ASIC5: variants seen among roughly 807,000 people sequenced by gnomAD.
ASIC5 encodes the protein acid sensing ion channel subunit family member 5.
A neutral mutation model predicts 51.2 loss-of-function variants in ASIC5; 52 were observed. That is an observed-to-expected ratio of 1.02 (90% CI 0.81 to 1.28). The LOEUF (loss-of-function observed/expected upper bound fraction) is 1.28, where lower values mean the gene tolerates loss of function less well. Among genes scored for constraint, ASIC5 ranks in the 50% most tolerant of loss-of-function variants. The probability of loss-of-function intolerance (pLI) is 0.00; values close to 1 mark genes in which losing one functional copy is unlikely to be tolerated. For missense variants in ASIC5, 635 were observed against 595.0 expected, an observed-to-expected ratio of 1.07 and a Z score of -0.70; for synonymous variants, 231 against 200.7, an observed-to-expected ratio of 1.15 and a Z score of -1.28.
At position 155,841,231 on chromosome 4, in the gene ASIC5, T is replaced by C. The variant is rs1171819360; in HGVS notation, c.1009+976A>G. Among the ~76,000 whole-genome samples the C allele has an allele frequency of 2.0e-5, 3 of 152,182 alleles. No individual in the cohort carries two copies. The East Asian group carries it at 5.8e-4, about 29-fold the overall frequency. On this transcript the variant is annotated intron_variant, in intron 6 of 9. Coordinates refer to ENST00000537611, the MANE Select transcript of ASIC5 (RefSeq NM_017419.3). ...AGCCCGTTGGGCAGTTACAATATTT[T>C]GGCAGGTAGATTGTGTTACAATATA...
intron 2 of ASIC5, among the ~76,000 whole-genome samples, chr4:155,857,582 C>T (rs1741578239): frequency 6.6e-6 from 1 of 152,046 alleles, no homozygotes; most frequent in Non-Finnish European, 1.5e-5. Context: ...AACAATTTAA[C>T]ATCTGCTAAC....
intron 8 of ASIC5, among the ~76,000 whole-genome samples, chr4:155,835,755 A>G (rs1175574397): frequency 2.0e-5 from 3 of 152,178 alleles, no homozygotes; most frequent in Non-Finnish European, 4.4e-5. Context: ...AAATCACTCC[A>G]TTAGCCCTGT....
At chr4:155,834,690 C>T (rs1407200716) in intron 8 of ASIC5, among the ~76,000 whole-genome samples, 1 of 152,238 alleles carries the variant, frequency 6.6e-6, no homozygotes, top group African/African-American at 2.4e-5. Flanking sequence ...CCTGGATACC[C>T]GTGGCCCTAA....
In ASIC5 at chr4:155,829,975, G is replaced by A; in HGVS notation, c.1399C>T (p.Leu467=). 6.2e-7 allele frequency: 1 copy of A among 1,600,522 alleles called. No individual in the cohort carries two copies. The highest frequency in any genetic ancestry group is 8.5e-7 in the Non-Finnish European group (1 of 1,173,136). Residue 467 remains leucine (L), a synonymous_variant, in exon 10 of 10, where the codon CTA becomes TTA. Transcript: ENST00000537611. The part of the protein sequence containing the change: ...LITIIEIIEY[L]FTNFYWICIF... Reference sequence around the variant, plus strand: ...CATATCCAGTAGAAATTGGTGAATAGATATTCAATAATTTCTATGATCGTG... The same window carrying A: ...CATATCCAGTAGAAATTGGTGAATAAATATTCAATAATTTCTATGATCGTG...
intron 5 of ASIC5, among the ~76,000 whole-genome samples, chr4:155,843,261 T>C (rs1741161797): frequency 6.6e-6 from 1 of 152,050 alleles, no homozygotes; most frequent in Non-Finnish European, 1.5e-5. Flanking sequence ...AGAGAGGAGA[T>C]GCAAATTCAG....
Position 155,863,633 on chromosome 4 carries a change from A to G in ASIC5, c.162T>C (p.Val54=). Residue 54 remains valine, a synonymous_variant, in exon 2 of 10, where the codon GTT becomes GTC. Transcript: ENST00000537611. ...STSFHGIHNI[V]QNRSKIRRVL... ...CCCTGCGAATTTTGCTCCGGTTCTG[A>G]ACAATATTGTGTATCCCATGAAAGG... 2 of 1,613,846 alleles carry G rather than the reference A, an allele frequency of 1.2e-6. No individual in the cohort carries two copies. Among genetic ancestry groups the G allele is most frequent in the East Asian group, 2.2e-5 (1 of 44,844 alleles).
At chr4:155,839,382 C>CACACACAT (rs1741066850) in intron 6 of ASIC5, among the ~76,000 whole-genome samples, 1 of 136,826 alleles carries the variant, frequency 7.3e-6, no homozygotes, top group South Asian at 2.4e-4. Flanking sequence ...CACACACACA[C>CACACACAT]ACGTTCCTGA....
At chr4:155,853,416 C>T (rs1022401968) in intron 3 of ASIC5, among the ~76,000 whole-genome samples, 1 of 151,610 alleles carries the variant, frequency 6.6e-6, no homozygotes, top group Non-Finnish European at 1.5e-5. Flanking sequence ...CATCAAATTG[C>T]CTGTATAGTT....
intron 6 of ASIC5, 48 bp from the exon 7 acceptor site, chr4:155,838,917 T>TAAG (rs567246169): frequency 3.2e-5 from 34 of 1,058,496 alleles, no homozygotes; most frequent in African/African-American, 4.9e-5. Context: ...TTTTGTAAAA[T>TAAG]AAGTGATCTA....
intron 2 of ASIC5, among the ~76,000 whole-genome samples, chr4:155,859,870 ATACAAATTG>A (rs1173704740): frequency 3.3e-5 from 5 of 152,070 alleles, no homozygotes; most frequent in African/African-American, 1.2e-4. Flanking sequence ...TAACATAGGA[ATACAAATTG>A]TATTTTGCTT....
At chr4:155,844,502 A>C (rs1741194102) in intron 4 of ASIC5, among the ~76,000 whole-genome samples, 1 of 152,102 alleles carries the variant, frequency 6.6e-6, no homozygotes, top group Admixed American at 6.6e-5. Context: ...TAGCATTAAC[A>C]ACCAGCTGAT....
At chr4:155,859,700 A>G (rs1741645134) in intron 2 of ASIC5, among the ~76,000 whole-genome samples, 1 of 152,038 alleles carries the variant, frequency 6.6e-6, no homozygotes, top group African/African-American at 2.4e-5. Flanking sequence ...GAATGTGCCT[A>G]TGTCTGAGTG....
chr4:155,833,727 C>A (rs957055234), intron 8 of ASIC5, among the ~76,000 whole-genome samples: 9 of 152,164 alleles, frequency 5.9e-5, no homozygotes, highest in African/African-American at 2.2e-4. Flanking sequence ...CAAGCATTAT[C>A]CACCTGTGAT....
chr4:155,835,799 C>T (rs1416380959), intron 8 of ASIC5, among the ~76,000 whole-genome samples: 1 of 152,080 alleles, frequency 6.6e-6, no homozygotes, highest in Non-Finnish European at 1.5e-5. Flanking sequence ...CTGTAAAGAT[C>T]ACTTTGTTAC....
At chr4:155,864,175 AAAAGTAATCTGTTCTT>A (rs546385342) in intron 1 of ASIC5, among the ~76,000 whole-genome samples, 69 of 152,336 alleles carry the variant, frequency 4.5e-4, no homozygotes, top group Non-Finnish European at 7.8e-4. Flanking sequence ...AAGTATGGCT[AAAAGTAATCTGTTCTT>A]AACTAATGTT....
intron 4 of ASIC5, among the ~76,000 whole-genome samples, chr4:155,851,462 G>A (rs1450627053): frequency 6.6e-6 from 1 of 151,874 alleles, no homozygotes; most frequent in African/African-American, 2.4e-5. Context: ...GTATGATTTT[G>A]GATACTTAAT....
chr4:155,851,094 AT>A (rs1475228444), intron 4 of ASIC5, among the ~76,000 whole-genome samples: 1 of 152,024 alleles, frequency 6.6e-6, no homozygotes, highest in Non-Finnish European at 1.5e-5. Context: ...AAATATCTAA[AT>A]GTTATTTACC....
chr4:155,833,293 CAAT>C (rs887935911), intron 8 of ASIC5, among the ~76,000 whole-genome samples: 2 of 152,028 alleles, frequency 1.3e-5, no homozygotes, highest in African/African-American at 2.4e-5. Context: ...TTTAAAATGG[CAAT>C]AATAATAATA....
intron 6 of ASIC5, 95 bp from the exon 7 acceptor site, chr4:155,838,964 C>G: frequency 1.5e-6 from 1 of 653,778 alleles, no homozygotes; most frequent in African/African-American, 1.9e-5. Flanking sequence ...ATCTATCCAT[C>G]CATTCATCCA....
Sources: allele counts gnomAD v4.1 joint callset (sites outside exome capture counted in the v4.1 genomes callset), GRCh38; gene constraint gnomAD v4.1.1; transcripts MANE v1.5; gene names NCBI Gene and HGNC (gene_info 2026-07-23, HGNC 2026-07-21).